LSAMP: variants seen among roughly 807,000 people sequenced by gnomAD.
The protein encoded by LSAMP is limbic system-associated membrane protein.
Under a neutral mutation model 38.6 loss-of-function variants are expected in LSAMP, and 7 were observed. The ratio of observed to expected loss-of-function variants is 0.18; its 90% confidence interval spans 0.10 to 0.34. LSAMP has a LOEUF of 0.34. Among genes scored for constraint, LSAMP ranks in the 10% least tolerant of loss-of-function variants. The pLI is 1.00. For synonymous variants in LSAMP, 154 were observed against 166.8 expected (o/e 0.92, Z 0.59); for missense variants, 313 against 420.0 (o/e 0.75, Z 2.23).
chr3:116,074,529 G>A (rs1461792136), intron 2 of LSAMP, among the ~76,000 whole-genome samples: 1 of 152,028 alleles, frequency 6.6e-6, no homozygotes, highest in Non-Finnish European at 1.5e-5. Flanking sequence ...TGAGTCAAAT[G>A]ATACAAATAT....
At chr3:116,171,170 G>T (rs1282485680) in intron 1 of LSAMP, among the ~76,000 whole-genome samples, 2 of 152,092 alleles carry the variant, frequency 1.3e-5, no homozygotes, top group African/African-American at 4.8e-5. Flanking sequence ...GGATTGTTGT[G>T]ATGATTACAT....
chr3:116,060,405 T>G (rs573083897), intron 2 of LSAMP, among the ~76,000 whole-genome samples: 1 of 152,072 alleles, frequency 6.6e-6, no homozygotes, highest in Non-Finnish European at 1.5e-5. Context: ...AAATCTGAGA[T>G]GGAATCTCTA....
intron 1 of LSAMP, among the ~76,000 whole-genome samples, chr3:116,422,251 C>T (rs570892695): frequency 1.3e-5 from 2 of 152,254 alleles, no homozygotes; most frequent in South Asian, 4.1e-4. Flanking sequence ...CCCTTCATAG[C>T]TGTGGGTTCC....
chr3:115,997,681 G>A (rs78520200), intron 3 of LSAMP, among the ~76,000 whole-genome samples: 2,284 of 137,616 alleles, frequency 0.017, 74 homozygotes, highest in African/African-American at 0.059. Context: ...CTAGGGTGGG[G>A]TTTCTCAAGA....
chr3:115,868,598 T>A (rs568931308), intron 3 of LSAMP, among the ~76,000 whole-genome samples: 8 of 152,098 alleles, frequency 5.3e-5, no homozygotes, highest in Non-Finnish European at 8.8e-5. Context: ...AATATATTTT[T>A]CACTAAAGAG....
In LSAMP at chr3:116,065,207, G is replaced by A. The variant is rs553281765; in HGVS notation, c.388+21117C>T. ...GGTTCTACGAATAGCTGTTTACTCC[G>A]ACTGTATGAGCAGTATGCTGAAGGT... On this transcript the variant is annotated intron_variant, in intron 2 of 6. Transcript: ENST00000490035. Among the ~76,000 whole-genome samples, 8 of 152,254 alleles carry A rather than the reference G, an allele frequency of 5.3e-5. No individual in the cohort carries two copies. In the South Asian group the frequency reaches 6.2e-4, roughly 12 times the overall value.
chr3:116,080,044 G>A (rs1707838286), intron 2 of LSAMP, among the ~76,000 whole-genome samples: 1 of 152,126 alleles, frequency 6.6e-6, no homozygotes, highest in Admixed American at 6.6e-5. Context: ...CAGATCATGT[G>A]TGAATAGCCA....
chr3:115,848,727 A>C (rs1935237640), intron 4 of LSAMP, among the ~76,000 whole-genome samples: 1 of 152,164 alleles, frequency 6.6e-6, no homozygotes, highest in South Asian at 2.1e-4. Flanking sequence ...CAGACAAATA[A>C]AGGGAAAAGG....
chr3:116,294,900 T>C (rs1289607094), intron 1 of LSAMP, among the ~76,000 whole-genome samples: 1 of 152,040 alleles, frequency 6.6e-6, no homozygotes, highest in Non-Finnish European at 1.5e-5. Context: ...ACAGCATTTA[T>C]ACTGACTGCA....
chr3:116,340,898 T>A (rs2047982941), intron 1 of LSAMP, among the ~76,000 whole-genome samples: 1 of 152,040 alleles, frequency 6.6e-6, no homozygotes, highest in South Asian at 2.1e-4. Flanking sequence ...CAATTCTTTG[T>A]AATTTTCTCT....
At chr3:115,961,887 A>G (rs1576260061) in intron 3 of LSAMP, among the ~76,000 whole-genome samples, 1 of 152,076 alleles carries the variant, frequency 6.6e-6, no homozygotes, top group Admixed American at 6.5e-5. Context: ...TTTCAAATAT[A>G]CTCTCTTACT....
chr3:116,111,072 G>A (rs1288793705), intron 1 of LSAMP, among the ~76,000 whole-genome samples: 3 of 152,128 alleles, frequency 2.0e-5, no homozygotes, highest in Non-Finnish European at 4.4e-5. Context: ...AGTTAAGGTG[G>A]GGCAGGAACA....
chr3:116,280,154 G>C (rs138328338), intron 1 of LSAMP, among the ~76,000 whole-genome samples: 4 of 152,264 alleles, frequency 2.6e-5, no homozygotes, highest in African/African-American at 9.6e-5. Context: ...CAAAAAAATA[G>C]AAAGTACAGT....
intron 1 of LSAMP, among the ~76,000 whole-genome samples, chr3:116,268,920 G>T (rs2046932366): frequency 6.6e-6 from 1 of 152,002 alleles, no homozygotes; most frequent in Admixed American, 6.6e-5. Flanking sequence ...CCAGATTAAA[G>T]AATCTAGGTA....
intron 3 of LSAMP, among the ~76,000 whole-genome samples, chr3:115,997,255 C>T (rs992112642): frequency 1.3e-5 from 2 of 151,974 alleles, no homozygotes; most frequent in South Asian, 2.1e-4. Context: ...CCTGGTCACC[C>T]TTCTATAGTG....
Position 115,809,736 on chromosome 3 carries a change from G to A in LSAMP, c.*581C>T, listed in dbSNP as rs971462788. The A allele has an allele frequency of 1.1e-4, 17 of 152,774 alleles. No homozygotes were observed. The highest frequency in any genetic ancestry group is 2.9e-4 in the African/African-American group (12 of 41,552). 9.5% of individuals were successfully genotyped at this position (152,774 alleles called of 1,614,324 possible). On this transcript the variant is annotated 3_prime_UTR_variant, in exon 7 of 7. Transcript: ENST00000490035. ...AGGGTGGGTGTGGGGGAGATAGAAC[G>A]CACTGGAGGGAGAGGGGATGATCTC... is the stretch of plus-strand genomic sequence containing the variant.
intron 1 of LSAMP, among the ~76,000 whole-genome samples, chr3:116,417,992 A>T (rs2049073909): frequency 6.6e-6 from 1 of 152,200 alleles, no homozygotes; most frequent in African/African-American, 2.4e-5. Flanking sequence ...TGGCTTTAAT[A>T]ACCTAAACTC....
chr3:116,301,040 C>G (rs1416580509), intron 1 of LSAMP, among the ~76,000 whole-genome samples: 1 of 151,724 alleles, frequency 6.6e-6, no homozygotes, highest in Non-Finnish European at 1.5e-5. Flanking sequence ...ATGAAAAAAG[C>G]TAATATATTG....
chr3:116,296,729 C>G (rs887126885), intron 1 of LSAMP, among the ~76,000 whole-genome samples: 2 of 145,130 alleles, frequency 1.4e-5, no homozygotes, highest in African/African-American at 5.2e-5. Flanking sequence ...AAAAAGAAAC[C>G]CATAAAGGTC....
Sources: allele counts gnomAD v4.1 joint callset (sites outside exome capture counted in the v4.1 genomes callset), GRCh38; gene constraint gnomAD v4.1.1; transcripts MANE v1.5; gene names NCBI Gene and HGNC (gene_info 2026-07-23, HGNC 2026-07-21).